Variants in CLIP2 observed in about 807,000 individuals in gnomAD.
CLIP2 encodes CAP-Gly domain containing linker protein 2.
In CLIP2, 41 loss-of-function variants were observed where a neutral mutation model predicts 111.7. The ratio of observed to expected loss-of-function variants is 0.37; its 90% confidence interval spans 0.29 to 0.48. The LOEUF is 0.48. Among genes scored for constraint, CLIP2 ranks in the 20% least tolerant of loss-of-function variants. The probability of loss-of-function intolerance (pLI) is 0.99; values close to 1 mark genes in which losing one functional copy is unlikely to be tolerated. For missense variants in CLIP2, 1,160 were observed against 1,422.1 expected (o/e 0.82, Z 2.96); for synonymous variants, 660 against 644.2 (o/e 1.02, Z -0.37).
In CLIP2 at chr7:74,376,128, C is replaced by A. The variant is rs150588666; in HGVS notation, c.1727C>A (p.Ala576Glu). The A allele has an allele frequency of 1.9e-6, 3 of 1,608,968 alleles. No individual in the cohort carries two copies. The highest frequency in any genetic ancestry group is 2.5e-6 in the Non-Finnish European group (3 of 1,177,608). Reference protein sequence around the residue: ...KYEKALKAYQAEVDKLRAANE... With the variant: ...KYEKALKAYQEEVDKLRAANE... ...GAGAAGGCCCTGAAGGCCTACCAGG[C>A]GGAGGTGGACAAGCTCCGCGCGGCC... is the stretch of plus-strand genomic sequence containing the variant. The change falls in exon 10 of 17, where the codon GCG becomes GAG. Residue 576 changes from alanine to glutamate, a missense_variant. Transcript: ENST00000223398. This position sits in a 1 kb window ranked among gnomAD's most constrained non-coding sequence, Gnocchi z 7.1.
intron 7 of CLIP2, among the ~76,000 whole-genome samples, chr7:74,362,561 A>T (rs1554310010): frequency 1.6e-5 from 2 of 128,320 alleles, no homozygotes; most frequent in Non-Finnish European, 3.1e-5. Context: ...CTTTAGACAG[A>T]GTCTCGCTCT....
intron 1 of CLIP2, among the ~76,000 whole-genome samples, chr7:74,311,781 G>C (rs529886792): frequency 2.6e-5 from 4 of 151,788 alleles, no homozygotes; most frequent in African/African-American, 7.2e-5. Context: ...GCATGGTAGG[G>C]TGCACCTGTA....
At chr7:74,302,252 G>C (rs902070631) in intron 1 of CLIP2, among the ~76,000 whole-genome samples, 2 of 151,782 alleles carry the variant, frequency 1.3e-5, no homozygotes, top group African/African-American at 2.4e-5. Context: ...GTCTTACTCT[G>C]TCACCCAGGC....
intron 8 of CLIP2, among the ~76,000 whole-genome samples, chr7:74,368,063 A>T (rs1446117706): frequency 6.6e-6 from 1 of 152,128 alleles, no homozygotes; most frequent in Non-Finnish European, 1.5e-5. Context: ...AAATGGAAAA[A>T]TTATCCAGGT....
At chr7:74,362,567 G>A (rs868943710) in intron 7 of CLIP2, among the ~76,000 whole-genome samples, 2 of 123,612 alleles carry the variant, frequency 1.6e-5, no homozygotes, top group Non-Finnish European at 1.6e-5. Context: ...ACAGAGTCTC[G>A]CTCTGTCACC....
intron 13 of CLIP2, among the ~76,000 whole-genome samples, chr7:74,390,827 C>T (rs960736859): frequency 1.3e-4 from 20 of 151,936 alleles, no homozygotes; most frequent in Non-Finnish European, 2.9e-4. Flanking sequence ...GTGGGCAGAT[C>T]ACCTGAGGTC....
intron 7 of CLIP2, among the ~76,000 whole-genome samples, chr7:74,362,338 AC>A (rs1326706653): frequency 5.3e-5 from 8 of 150,804 alleles, no homozygotes; most frequent in African/African-American, 2.0e-4. Flanking sequence ...CATCCCCAAC[AC>A]CCCCACTTGG....
intron 12 of CLIP2, chr7:74,388,842 G>T: frequency 2.9e-6 from 1 of 342,892 alleles, no homozygotes; most frequent in Non-Finnish European, 5.2e-6. Context: ...TGTAGTCCCA[G>T]CTACTCAGGA....
chr7:74,375,730 C>T (rs546860833), intron 9 of CLIP2, among the ~76,000 whole-genome samples, 157 bp from the exon 10 acceptor site: 1 of 152,026 alleles, frequency 6.6e-6, no homozygotes, highest in African/African-American at 2.4e-5. Flanking sequence ...AGCCAGCACT[C>T]AGGAGGGAGT....
chr7:74,326,206 C>T (rs1039054710), intron 2 of CLIP2, among the ~76,000 whole-genome samples: 1 of 152,208 alleles, frequency 6.6e-6, no homozygotes, highest in African/African-American at 2.4e-5. Flanking sequence ...CACCATTGCA[C>T]TCCAGCCTGG....
At chr7:74,354,151 C>A in intron 4 of CLIP2, 147 bp downstream of exon 4, 1 of 1,011,066 alleles carries the variant, frequency 9.9e-7, no homozygotes, top group Non-Finnish European at 1.4e-6. Flanking sequence ...TCCTTCCCAA[C>A]AGCCCACTAA....
At chr7:74,304,190 C>A (rs572581050) in intron 1 of CLIP2, among the ~76,000 whole-genome samples, 2 of 151,740 alleles carry the variant, frequency 1.3e-5, no homozygotes, top group Admixed American at 1.3e-4. Flanking sequence ...GGATTGCAGG[C>A]GTGAGCCACC....
chr7:74,400,682 A>G (rs1273140775), intron 15 of CLIP2, 127 bp downstream of exon 15: 2 of 939,850 alleles, frequency 2.1e-6, no homozygotes, highest in African/African-American at 1.7e-5. Context: ...AGCTCGTCCC[A>G]GGAACCTGGT....
intron 13 of CLIP2, among the ~76,000 whole-genome samples, chr7:74,390,743 C>G (rs868978288): frequency 1.4e-4 from 1 of 7,156 alleles, no homozygotes; most frequent in Admixed American, 2.1e-3. Flanking sequence ...TATTTTCTGG[C>G]GGGGTGGGGG....
intron 2 of CLIP2, among the ~76,000 whole-genome samples, chr7:74,323,888 A>G (rs1227793487): frequency 6.6e-6 from 1 of 152,174 alleles, no homozygotes; most frequent in Non-Finnish European, 1.5e-5. Context: ...TCACAGGACA[A>G]CAAAATCGCC....
intron 2 of CLIP2, among the ~76,000 whole-genome samples, chr7:74,337,946 T>C (rs1456477840): frequency 6.6e-6 from 1 of 152,030 alleles, no homozygotes; most frequent in Non-Finnish European, 1.5e-5. Flanking sequence ...TCTGGAGGGC[T>C]GGAAGAGTAG....
chr7:74,367,145 G>T (rs1316471180), intron 8 of CLIP2, among the ~76,000 whole-genome samples: 1 of 152,008 alleles, frequency 6.6e-6, no homozygotes, highest in Non-Finnish European at 1.5e-5. Flanking sequence ...ACATGTGCAA[G>T]ACCCTATTCC....
At chr7:74,295,619 T>A (rs966802344) in intron 1 of CLIP2, among the ~76,000 whole-genome samples, 1 of 152,134 alleles carries the variant, frequency 6.6e-6, no homozygotes, top group Non-Finnish European at 1.5e-5. Context: ...AGGGAAGACA[T>A]CTGAAAGGGG....
chr7:74,308,128 G>A (rs1242428102), intron 1 of CLIP2, among the ~76,000 whole-genome samples: 2 of 152,338 alleles, frequency 1.3e-5, no homozygotes, highest in African/African-American at 4.8e-5. Flanking sequence ...ACTTCCTGGA[G>A]GAGGTGGCAT....
Sources: allele counts gnomAD v4.1 joint callset (sites outside exome capture counted in the v4.1 genomes callset), GRCh38; gene constraint gnomAD v4.1.1; non-coding constraint Gnocchi (gnomAD v3.1); transcripts MANE v1.5; gene names NCBI Gene and HGNC (gene_info 2026-07-23, HGNC 2026-07-21).